SULF2: variants seen among roughly 807,000 people sequenced by gnomAD.
SULF2 encodes sulfatase 2, also known as extracellular sulfatase Sulf-2.
SULF2 carries 52 observed loss-of-function variants against 107.7 expected under a neutral mutation model. The observed-to-expected ratio is 0.48, with a 90% CI of 0.39 to 0.61. SULF2 has a LOEUF of 0.61. Among genes scored for constraint, SULF2 ranks in the 20% least tolerant of loss-of-function variants. SULF2 has a pLI of 0.00. For missense variants in SULF2, 993 were observed against 1,177.3 expected, an observed-to-expected ratio of 0.84 and a Z score of 2.29; for synonymous variants, 460 against 464.3, an observed-to-expected ratio of 0.99 and a Z score of 0.12.
At chr20:47,772,241 C>T (rs1411857174) in intron 1 of SULF2, among the ~76,000 whole-genome samples, 4 of 152,186 alleles carry the variant, frequency 2.6e-5, no homozygotes, top group African/African-American at 9.7e-5. Context: ...GCATTACTGC[C>T]GCGTGGGCAG....
rs971817687 is a variant in SULF2, at chr20:47,666,337, G to A, written c.1728C>T (p.Asp576=). ...TGCCACTGAAGTCCCCACCATCCTT[G>A]TCATCTTGGTCCTCAGGGGCCCCTG... ...HWPGAPEDQD[D]KDGGDFSGTG... is the part of the protein sequence containing the mutation. The change falls in exon 12 of 21, where the codon GAC becomes GAT. Residue 576 remains aspartate, a synonymous_variant. Coordinates refer to ENST00000688720, the MANE Select transcript of SULF2 (RefSeq NM_001387048.1). The surrounding 1 kb of genome is among the most constrained non-coding windows in gnomAD (Gnocchi z 5.4). The A allele has an allele frequency of 1.2e-6, 2 of 1,614,236 alleles. No homozygotes were observed. The highest frequency in any genetic ancestry group is 2.7e-5 in the African/African-American group (2 of 75,076).
intron 6 of SULF2, among the ~76,000 whole-genome samples, chr20:47,683,584 G>C (rs1268807421): frequency 6.6e-6 from 1 of 152,262 alleles, no homozygotes; most frequent in Admixed American, 6.5e-5. Flanking sequence ...TTGCGATCTG[G>C]AAGGGCGCCG....
At chr20:47,712,548 G>A (rs76643727) in intron 3 of SULF2, among the ~76,000 whole-genome samples, 101 of 152,320 alleles carry the variant, frequency 6.6e-4, no homozygotes, top group Non-Finnish European at 1.0e-3. Flanking sequence ...GGCAGGAGCC[G>A]TGCTGCACTG....
intron 1 of SULF2, among the ~76,000 whole-genome samples, chr20:47,759,803 GGGGGCCC>G (rs1476341286): frequency 2.0e-5 from 3 of 152,170 alleles, no homozygotes; most frequent in Non-Finnish European, 4.4e-5. Context: ...TATTTAAAGC[GGGGGCCC>G]CCAACCCAGG....
At chr20:47,768,005 G>A (rs571509776) in intron 1 of SULF2, among the ~76,000 whole-genome samples, 65 of 152,200 alleles carry the variant, frequency 4.3e-4, no homozygotes, top group Admixed American at 2.4e-3. Flanking sequence ...ATGCTAGATC[G>A]TGGGATCCTA....
At chr20:47,713,423 A>C (rs1001962880) in intron 3 of SULF2, among the ~76,000 whole-genome samples, 1 of 152,168 alleles carries the variant, frequency 6.6e-6, no homozygotes, top group African/African-American at 2.4e-5. Context: ...CAGTTTAAAA[A>C]GTTGTCCAAA....
At chr20:47,684,725 G>C (rs2087942872) in intron 5 of SULF2, 144 bp from the exon 6 acceptor site, 1 of 733,950 alleles carries the variant, frequency 1.4e-6, no homozygotes, top group Non-Finnish European at 2.2e-6. Context: ...TGGGAAAGGG[G>C]ACATTGGCAT....
chr20:47,742,886 G>A (rs1389357105), intron 2 of SULF2, among the ~76,000 whole-genome samples: 1 of 150,932 alleles, frequency 6.6e-6, no homozygotes, highest in Non-Finnish European at 1.5e-5. Context: ...TATCTATGGG[G>A]ACTTAGCAAG....
intron 2 of SULF2, among the ~76,000 whole-genome samples, chr20:47,740,033 G>T (rs142140302): frequency 2.0e-5 from 3 of 152,312 alleles, no homozygotes; most frequent in African/African-American, 7.2e-5. Flanking sequence ...GCAACCTTCT[G>T]ATATAGCTAA....
chr20:47,676,111 T>G (rs1274453931), intron 10 of SULF2, among the ~76,000 whole-genome samples: 2 of 152,226 alleles, frequency 1.3e-5, no homozygotes, highest in African/African-American at 4.8e-5. Flanking sequence ...AAAAGCCATG[T>G]CTTATTACTC....
rs145493180 is a variant in SULF2 at position 47,705,471 on chromosome 20, G to A, written c.416-2801C>T. Reference sequence around the variant, plus strand: ...TAGGTGTCAGGGAGTAACTGATGGAGTGGAGGCAGCATGAGATTCCCGGGC... The same window carrying A: ...TAGGTGTCAGGGAGTAACTGATGGAATGGAGGCAGCATGAGATTCCCGGGC... On this transcript the variant is annotated intron_variant, in intron 3 of 20. Coordinates refer to ENST00000688720, the MANE Select transcript of SULF2 (RefSeq NM_001387048.1). 3.6e-3 allele frequency among the ~76,000 whole-genome samples: 543 copies of A among 152,318 alleles called. 2 individuals are homozygous for A. Among genetic ancestry groups the A allele is most frequent in the African/African-American group, 0.012 (509 of 41,566 alleles).
At chr20:47,706,282 G>C (rs1345878806) in intron 3 of SULF2, among the ~76,000 whole-genome samples, 1 of 151,830 alleles carries the variant, frequency 6.6e-6, no homozygotes, top group African/African-American at 2.4e-5. Flanking sequence ...CCCTCCATGC[G>C]GGGGGGCTCC....
upstream of SULF2, chr20:47,785,685 C>T (rs936133787): frequency 4.1e-5 from 6 of 147,506 alleles, no homozygotes; most frequent in African/African-American, 1.2e-4. Flanking sequence ...CCGCCCCCCG[C>T]TCGCCTGCCC....
intron 1 of SULF2, among the ~76,000 whole-genome samples, chr20:47,762,840 G>A (rs567021111): frequency 1.3e-5 from 2 of 152,300 alleles, no homozygotes; most frequent in South Asian, 2.1e-4. Flanking sequence ...GCTATCACCC[G>A]CTCTCCTCTG....
At chr20:47,671,771 G>A (rs2087478999) in intron 11 of SULF2, among the ~76,000 whole-genome samples, 1 of 152,162 alleles carries the variant, frequency 6.6e-6, no homozygotes, top group Non-Finnish European at 1.5e-5. Flanking sequence ...CTGGAGTGCA[G>A]TGGCACAATC....
chr20:47,677,059 C>T lies in SULF2; in HGVS notation c.1250+19G>A. 6.2e-7 allele frequency: 1 copy of T among 1,613,170 alleles called. No homozygotes were observed. Among genetic ancestry groups the T allele is most frequent in the Non-Finnish European group, 8.5e-7 (1 of 1,179,590 alleles). On this transcript the variant is annotated intron_variant, in intron 9 of 20. Coordinates refer to ENST00000688720, the MANE Select transcript of SULF2 (RefSeq NM_001387048.1). ...GAGGGAGGTGGGCAGGGGTGTCCCT[C>T]CCAGGACCCGGCACTCACCCTCTCT...
At chr20:47,720,039 C>A (rs2089240632) in intron 3 of SULF2, among the ~76,000 whole-genome samples, 1 of 152,204 alleles carries the variant, frequency 6.6e-6, no homozygotes, top group African/African-American at 2.4e-5. Flanking sequence ...AGCTCCACCT[C>A]CCAGGTTCAC....
chr20:47,751,793 G>A (rs1183923095), intron 2 of SULF2, among the ~76,000 whole-genome samples: 1 of 152,216 alleles, frequency 6.6e-6, no homozygotes, highest in East Asian at 1.9e-4. Flanking sequence ...GACAGAGAGT[G>A]GTTGTGACAC....
At chr20:47,684,368 C>G in intron 6 of SULF2, 63 bp downstream of exon 6, 1 of 1,505,206 alleles carries the variant, frequency 6.6e-7, no homozygotes. Flanking sequence ...CAGGAGGTCT[C>G]GGCCCTGGCC....
Sources: gnomAD v4.1 joint callset for allele counts (sites outside exome capture counted in the v4.1 genomes callset) on GRCh38, gnomAD v4.1.1 for gene constraint, Gnocchi (gnomAD v3.1) non-coding constraint, MANE v1.5 for transcripts, NCBI Gene and HGNC (gene_info 2026-07-23, HGNC 2026-07-21) for gene names.